GGT7: variants seen among roughly 807,000 people sequenced by gnomAD.
The protein encoded by GGT7 is gamma-glutamyltransferase 7, also known as glutathione hydrolase 7.
In GGT7, 30 loss-of-function variants were observed where a neutral mutation model predicts 69.2. That is an observed-to-expected ratio of 0.43 (90% CI 0.32 to 0.59). The LOEUF is 0.59. Among genes scored for constraint, GGT7 ranks in the 20% least tolerant of loss-of-function variants. GGT7 has a pLI of 0.05. For missense variants in GGT7, 733 were observed against 901.1 expected (o/e 0.81, Z 2.39); for synonymous variants, 388 against 391.8 (o/e 0.99, Z 0.12).
Position 34,851,466 on chromosome 20 carries a change from C to T in GGT7, c.1588-98G>A, listed in dbSNP as rs540658672. 17 of 1,228,466 alleles carry T rather than the reference C, an allele frequency of 1.4e-5. No homozygotes were observed. In the South Asian group the frequency reaches 2.3e-4, roughly 17 times the overall value. The allele number at this position is 1,228,466 out of a possible 1,614,324, so 76.1% of individuals were successfully genotyped here. Reference sequence around the variant, plus strand: ...CCTTCCAACTGCTCTCCCTCTTCTACATCTTCCACAGGCCCAGTTTTCCTG... The same window carrying T: ...CCTTCCAACTGCTCTCCCTCTTCTATATCTTCCACAGGCCCAGTTTTCCTG... On this transcript the variant is annotated intron_variant, in intron 12 of 14. Coordinates refer to ENST00000336431, the MANE Select transcript of GGT7 (RefSeq NM_178026.3).
At chr20:34,865,133 A>C (rs937573038) in intron 1 of GGT7, among the ~76,000 whole-genome samples, 1 of 150,372 alleles carries the variant, frequency 6.7e-6, no homozygotes, top group African/African-American at 2.5e-5. Context: ...ACTACTAGAG[A>C]GTTTTAAGCA....
intron 14 of GGT7, among the ~76,000 whole-genome samples, chr20:34,847,196 A>G (rs970481376): frequency 3.9e-5 from 6 of 152,192 alleles, no homozygotes; most frequent in Admixed American, 6.5e-5. Context: ...CATAGTAAAT[A>G]TTGAGCAGAT....
intron 14 of GGT7, 47 bp downstream of exon 14, chr20:34,849,914 C>T: frequency 8.5e-7 from 1 of 1,182,764 alleles, no homozygotes; most frequent in South Asian, 1.3e-5. Flanking sequence ...AGTCCTTTCT[C>T]TACCTGTCCC....
At chr20:34,859,751 C>A (rs2079557261) in intron 6 of GGT7, 112 bp from the exon 7 acceptor site, 1 of 918,722 alleles carries the variant, frequency 1.1e-6, no homozygotes, top group African/African-American at 1.7e-5. Context: ...AGTGCCCTGA[C>A]CCCCAGGAGC....
At position 34,858,499 on chromosome 20, in the gene GGT7, A is replaced by G. The variant is rs1196804670; in HGVS notation, c.1014+944T>C. 3.3e-5 allele frequency among the ~76,000 whole-genome samples: 5 copies of G among 152,240 alleles called. No homozygotes were observed. The East Asian group carries it at 9.6e-4, about 29-fold the overall frequency. ...AGACCTATTTAATTCCCACAACTGT[A>G]TGGCAGAGACAGATATAATCATCCC... On this transcript the variant is annotated intron_variant, in intron 7 of 14. Coordinates refer to ENST00000336431, the MANE Select transcript of GGT7 (RefSeq NM_178026.3).
rs969101183 is a variant in GGT7, at chr20:34,867,094, CTGT to C, written c.170-3549_170-3547del. On this transcript the variant is annotated intron_variant, in intron 1 of 14. Coordinates refer to ENST00000336431, the MANE Select transcript of GGT7 (RefSeq NM_178026.3). ...GTTGTTGTTGTTGTTGTTGCTGTTG[CTGT>C]TGTTGTTAATAGAGACAAGGTCTTG... Among the ~76,000 whole-genome samples the C allele has an allele frequency of 4.6e-5, 7 of 151,962 alleles. No homozygotes were observed. In the East Asian group the frequency reaches 1.4e-3, roughly 30 times the overall value.
chr20:34,863,111 C>T lies in GGT7; in HGVS notation c.406-146G>A. On this transcript the variant is annotated intron_variant, in intron 2 of 14. Transcript: ENST00000336431. The surrounding 1 kb of genome is among the most constrained non-coding windows in gnomAD (Gnocchi z 4.4). Reference sequence around the variant, plus strand: ...GACTCTGCCCTCATTACCCCAAGTGCCTCCTAATGGATCTGTCCTTATTCT... The same window carrying T: ...GACTCTGCCCTCATTACCCCAAGTGTCTCCTAATGGATCTGTCCTTATTCT... 1.2e-6 allele frequency: 1 copy of T among 838,272 alleles called. No homozygotes were observed. The highest frequency in any genetic ancestry group is 1.9e-6 in the Non-Finnish European group (1 of 531,698). The allele number at this position is 838,272 out of a possible 1,614,324, so 51.9% of individuals were successfully genotyped here.
chr20:34,869,163 A>AATAAAT (rs2079740784), intron 1 of GGT7, among the ~76,000 whole-genome samples: 2 of 149,828 alleles, frequency 1.3e-5, no homozygotes, highest in African/African-American at 4.9e-5. Flanking sequence ...TAAATAAATA[A>AATAAAT]ATATATATAT....
intron 9 of GGT7, 36 bp downstream of exon 9, chr20:34,854,760 C>T (rs969873809): frequency 1.2e-6 from 2 of 1,613,420 alleles, no homozygotes; most frequent in African/African-American, 2.7e-5. Context: ...TCCTAATATC[C>T]TTAAATCCAG....
At chr20:34,860,113 T>C in intron 5 of GGT7, 71 bp from the exon 6 acceptor site, 1 of 891,120 alleles carries the variant, frequency 1.1e-6, no homozygotes, top group South Asian at 1.3e-5. Context: ...GGGAGGGGGG[T>C]TCCTGGGAAG....
rs544589222 is a variant in GGT7, at chr20:34,861,045, C to T, written c.675+400G>A. Among the ~76,000 whole-genome samples, 10 of 152,262 alleles carry T rather than the reference C, an allele frequency of 6.6e-5. No homozygotes were observed. The South Asian group carries it at 8.3e-4, about 13-fold the overall frequency. On this transcript the variant is annotated intron_variant, in intron 4 of 14. Coordinates refer to ENST00000336431, the MANE Select transcript of GGT7 (RefSeq NM_178026.3). ...TAAGTACCCATTTTTCCAAGTTATT[C>T]GATATCTTCTTTTTCTTTCAGCAGA...
At chr20:34,860,381 G>A in intron 4 of GGT7, 60 bp from the exon 5 acceptor site, 1 of 1,291,804 alleles carries the variant, frequency 7.7e-7, no homozygotes, top group Admixed American at 1.7e-5. Context: ...GGGGGTGCTG[G>A]GCTGAACTCC....
At chr20:34,872,326 C>A in intron 1 of GGT7, 1 of 222,588 alleles carries the variant, frequency 4.5e-6, no homozygotes, top group Non-Finnish European at 8.7e-6. Flanking sequence ...AGAGAAAGCC[C>A]TCTTCTGGGT....
chr20:34,860,818 T>C (rs2079582665), intron 4 of GGT7, among the ~76,000 whole-genome samples: 1 of 152,138 alleles, frequency 6.6e-6, no homozygotes. Context: ...TCACTCAGGC[T>C]GGTCTCAAAC....
chr20:34,868,041 T>G (rs1341122265), intron 1 of GGT7, among the ~76,000 whole-genome samples: 1 of 152,208 alleles, frequency 6.6e-6, no homozygotes, highest in Non-Finnish European at 1.5e-5. Context: ...TTTTGTATTT[T>G]TAGTAGAGAT....
intron 11 of GGT7, 48 bp downstream of exon 11, chr20:34,852,341 T>C: frequency 1.3e-6 from 2 of 1,516,850 alleles, no homozygotes; most frequent in Non-Finnish European, 9.2e-7. Context: ...CACCCCCTCT[T>C]GGTTCAGAGG....
chr20:34,861,868 C>T (rs1292980151), intron 3 of GGT7, among the ~76,000 whole-genome samples: 2 of 152,128 alleles, frequency 1.3e-5, no homozygotes, highest in Non-Finnish European at 2.9e-5. Context: ...CATGCCCCCA[C>T]CCTGGACCAG....
intron 9 of GGT7, 51 bp downstream of exon 9, chr20:34,854,745 C>T (rs1008914656): frequency 1.2e-5 from 19 of 1,611,218 alleles, no homozygotes; most frequent in Non-Finnish European, 1.5e-5. Context: ...ACCCAATCTC[C>T]CCACTCCTAA....
At chr20:34,864,218 T>C (rs2079651722) in intron 1 of GGT7, among the ~76,000 whole-genome samples, 1 of 151,914 alleles carries the variant, frequency 6.6e-6, no homozygotes, top group Admixed American at 6.6e-5. Flanking sequence ...TCTCAGGAAG[T>C]GACTTTTAAG....
Sources: gnomAD v4.1 joint callset for allele counts (sites outside exome capture counted in the v4.1 genomes callset) on GRCh38, gnomAD v4.1.1 for gene constraint, Gnocchi (gnomAD v3.1) non-coding constraint, MANE v1.5 for transcripts, NCBI Gene and HGNC (gene_info 2026-07-23, HGNC 2026-07-21) for gene names.